Variants in ZC2HC1C observed in about 807,000 individuals in gnomAD.
ZC2HC1C encodes zinc finger C2HC domain-containing protein 1C.
In ZC2HC1C, 25 loss-of-function variants were observed where a neutral mutation model predicts 39.2. That is an observed-to-expected ratio of 0.64 (90% confidence interval 0.47 to 0.89). The LOEUF (loss-of-function observed/expected upper bound fraction) is 0.89. Ranked by LOEUF, ZC2HC1C falls within the 40% of genes least tolerant of loss-of-function variation. ZC2HC1C has a pLI of 0.00. For synonymous variants in ZC2HC1C, 209 were observed against 214.4 expected (o/e 0.97, Z 0.22); for missense variants, 519 against 548.6 (o/e 0.95, Z 0.54).
chr14:75,070,806 C>T lies in ZC2HC1C; in HGVS notation c.233C>T (p.Thr78Ile), dbSNP rs200028022. 4 of 1,614,100 alleles carry T rather than the reference C, an allele frequency of 2.5e-6. No homozygotes were observed. Among genetic ancestry groups the T allele is most frequent in the Non-Finnish European group, 3.4e-6 (4 of 1,180,050 alleles). Residue 78 changes from threonine to isoleucine, a missense_variant, in exon 2 of 3, where the codon ACA (threonine) becomes ATA (isoleucine). Transcript: ENST00000524913. ...ACTCACCCCAAATGGAACACCCAAA[C>T]AAAAGCCCGGAGCTACTCCTATCCC... is the stretch of plus-strand genomic sequence containing the variant. Reference protein sequence around the residue: ...VYTHPKWNTQTKARSYSYPHC... With the variant: ...VYTHPKWNTQIKARSYSYPHC...
At chr14:75,070,476 G>GTTTGCTTTAGCAAACATT in intron 1 of ZC2HC1C, 79 bp from the exon 2 acceptor site, 7 of 1,483,750 alleles carry the variant, frequency 4.7e-6, no homozygotes, top group Non-Finnish European at 5.4e-6. Context: ...CAGGGCAAAT[G>GTTTGCTTTAGCAAACATT]TAGAAATAGT....
Position 75,077,831 on chromosome 14 carries a change from A to G in ZC2HC1C, c.*267A>G. 1 of 447,288 alleles carries G rather than the reference A, an allele frequency of 2.2e-6. No homozygotes were observed. The highest frequency in any genetic ancestry group is 4.0e-6 in the Non-Finnish European group (1 of 248,398). 27.7% of individuals were successfully genotyped at this position (447,288 alleles called of 1,614,324 possible). On this transcript the variant is annotated 3_prime_UTR_variant, in exon 3 of 3. Transcript: ENST00000524913. Reference sequence around the variant, plus strand: ...ATGGAAACTTTTGGATAGTTCAGAAAGCTCTGCTTCTCTTCAGCAGTAAAT... The same window carrying G: ...ATGGAAACTTTTGGATAGTTCAGAAGGCTCTGCTTCTCTTCAGCAGTAAAT...
Position 75,079,814 on chromosome 14 carries a change from C to T in ZC2HC1C, c.*2250C>T, listed in dbSNP as rs1413399613. ...TCACTTGGCCTGCTTCACTTCTTTA[C>T]CTTATCTGCCTGGTACCACAGGCAC... On this transcript the variant is annotated 3_prime_UTR_variant, in exon 3 of 3. Coordinates refer to ENST00000524913, the MANE Select transcript of ZC2HC1C (RefSeq NM_024643.4). 6.6e-6 allele frequency: 1 copy of T among 152,174 alleles called. No homozygotes were observed. The highest frequency in any genetic ancestry group is 2.4e-5 in the African/African-American group (1 of 41,438). 9.4% of individuals were successfully genotyped at this position (152,174 alleles called of 1,614,324 possible).
intron 2 of ZC2HC1C, among the ~76,000 whole-genome samples, chr14:75,073,352 C>T (rs1482475630): frequency 1.3e-5 from 2 of 152,178 alleles, no homozygotes; most frequent in Admixed American, 6.5e-5. Context: ...CCCACTGTAG[C>T]GATTTATTTT....
chr14:75,070,185 G>C (rs1408093756), intron 1 of ZC2HC1C, among the ~76,000 whole-genome samples: 1 of 152,144 alleles, frequency 6.6e-6, no homozygotes, highest in African/African-American at 2.4e-5. Context: ...GGGAAGAAAC[G>C]GGGGCCAGCA....
In ZC2HC1C at chr14:75,071,035, G is replaced by A. The variant is rs756702328; in HGVS notation, c.462G>A (p.Glu154=). ...ACAGGAAGTCGTGCAGTACAGGTGAGGCTGGCACTGATGGGGACCATAATG... is the reference window on the plus strand; with the variant it reads ...ACAGGAAGTCGTGCAGTACAGGTGAAGCTGGCACTGATGGGGACCATAATG... ...MVHRKSCSTG[E]AGTDGDHNVY... Residue 154 remains glutamate (E), a synonymous_variant, in exon 2 of 3, where the codon GAG becomes GAA. Transcript: ENST00000524913. 1.2e-5 allele frequency: 19 copies of A among 1,614,232 alleles called. No homozygotes were observed. Among genetic ancestry groups the A allele is most frequent in the Non-Finnish European group, 1.4e-5 (17 of 1,180,050 alleles).
chr14:75,077,832 G>C lies in ZC2HC1C; in HGVS notation c.*268G>C, dbSNP rs999735793. On this transcript the variant is annotated 3_prime_UTR_variant, in exon 3 of 3. Coordinates refer to ENST00000524913, the MANE Select transcript of ZC2HC1C (RefSeq NM_024643.4). ...TGGAAACTTTTGGATAGTTCAGAAA[G>C]CTCTGCTTCTCTTCAGCAGTAAATG... 2.3e-6 allele frequency: 1 copy of C among 437,572 alleles called. No homozygotes were observed. Among genetic ancestry groups the C allele is most frequent in the African/African-American group, 2.0e-5 (1 of 49,868 alleles). The allele number at this position is 437,572 out of a possible 1,614,324, so 27.1% of individuals were successfully genotyped here.
chr14:75,071,243 G>A lies in ZC2HC1C; in HGVS notation c.670G>A (p.Glu224Lys), dbSNP rs756862474. 4 of 1,614,230 alleles carry A rather than the reference G, an allele frequency of 2.5e-6. No individual in the cohort carries two copies. The highest frequency in any genetic ancestry group is 3.4e-6 in the Non-Finnish European group (4 of 1,180,048). The change falls in exon 2 of 3, where the codon GAG (glutamate) becomes AAG (lysine). Residue 224 changes from glutamate to lysine, a missense_variant. Coordinates refer to ENST00000524913, the MANE Select transcript of ZC2HC1C (RefSeq NM_024643.4). ...RRLEAAGESL[E>K]EEIRRKQILL... is the part of the protein sequence containing the mutation. The stretch of plus-strand genomic sequence containing the variant: ...ACTAGAAGCTGCAGGGGAGAGCTTA[G>A]AGGAGGAAATCCGAAGAAAGCAGAT...
At chr14:75,073,018 C>T (rs1893496345) in intron 2 of ZC2HC1C, among the ~76,000 whole-genome samples, 1 of 152,186 alleles carries the variant, frequency 6.6e-6, no homozygotes, top group South Asian at 2.1e-4. Flanking sequence ...GTTTTCATTT[C>T]TTCCCAACCC....
At chr14:75,076,443 T>C (rs1893673359) in intron 2 of ZC2HC1C, among the ~76,000 whole-genome samples, 1 of 152,162 alleles carries the variant, frequency 6.6e-6, no homozygotes, top group East Asian at 1.9e-4. Flanking sequence ...TAATTTTGTG[T>C]ATTTTTAGTA....
At position 75,071,356 on chromosome 14, in the gene ZC2HC1C, A is replaced by T; in HGVS notation, c.783A>T (p.Gly261=). 1 of 1,614,018 alleles carries T rather than the reference A, an allele frequency of 6.2e-7. No homozygotes were observed. The highest frequency in any genetic ancestry group is 8.5e-7 in the Non-Finnish European group (1 of 1,179,998). ...QKEQAKENEN[G]ELQKIILPRS... ...AACAGGCCAAGGAAAATGAAAACGG[A>T]GAGCTACAGAAAATTATACTCCCCA... The change falls in exon 2 of 3, where the codon GGA becomes GGT. Residue 261 remains glycine, a synonymous_variant. Transcript: ENST00000524913.
Position 75,071,922 on chromosome 14 carries a change from C to A in ZC2HC1C, c.1338+11C>A, listed in dbSNP as rs771541780. 26 of 1,568,912 alleles carry A rather than the reference C, an allele frequency of 1.7e-5. No homozygotes were observed. Among genetic ancestry groups the A allele is most frequent in the Non-Finnish European group, 1.4e-5 (16 of 1,159,922 alleles). On this transcript the variant is annotated intron_variant, in intron 2 of 2. Transcript: ENST00000524913. Reference sequence around the variant, plus strand: ...CCAGCTTCAGCCAAGGTAACAAGAGCCTTATGGATGTGACTTGGTGTGGTG... The same window carrying A: ...CCAGCTTCAGCCAAGGTAACAAGAGACTTATGGATGTGACTTGGTGTGGTG...
chr14:75,077,682 A>AT lies in ZC2HC1C; in HGVS notation c.*120dup, dbSNP rs1430126110. ...CCTGCCTGCAGAAAACCCAGACTGC[A>AT]TTCAGTGTCCTCAGTGTAGCCACCA... On this transcript the variant is annotated 3_prime_UTR_variant, in exon 3 of 3. Coordinates refer to ENST00000524913, the MANE Select transcript of ZC2HC1C (RefSeq NM_024643.4). 1 of 1,282,690 alleles carries AT rather than the reference A, an allele frequency of 7.8e-7. No homozygotes were observed. The highest frequency in any genetic ancestry group is 1.5e-5 in the African/African-American group (1 of 68,402). 79.5% of individuals were successfully genotyped at this position (1,282,690 alleles called of 1,614,324 possible). A position where few individuals can be genotyped will look rare whatever the true frequency, so the allele number is the denominator to read the frequency against.
At position 75,077,874 on chromosome 14, in the gene ZC2HC1C, CAAAGCAGAAAG is replaced by C; in HGVS notation, c.*314_*324del. On this transcript the variant is annotated 3_prime_UTR_variant, in exon 3 of 3. Transcript: ENST00000524913. Reference sequence around the variant, plus strand: ...CAGTAAATGGGAGTAGAATTTGATGCAAAGCAGAAAGAAATCAAACAGCTCCCAGATCTGCC... The same window carrying C: ...CAGTAAATGGGAGTAGAATTTGATGCAAATCAAACAGCTCCCAGATCTGCC... 3.1e-6 allele frequency: 1 copy of C among 323,198 alleles called. No individual in the cohort carries two copies. The highest frequency in any genetic ancestry group is 5.8e-6 in the Non-Finnish European group (1 of 173,744). 20.0% of individuals were successfully genotyped at this position (323,198 alleles called of 1,614,324 possible).
At chr14:75,073,650 A>G in intron 2 of ZC2HC1C, 1 of 1,287,050 alleles carries the variant, frequency 7.8e-7, no homozygotes, top group Non-Finnish European at 1.0e-6. Context: ...TTTTCCTGGT[A>G]TCCTTTAATC....
intron 2 of ZC2HC1C, among the ~76,000 whole-genome samples, chr14:75,074,911 C>T (rs1315106211): frequency 6.6e-6 from 1 of 152,150 alleles, no homozygotes; most frequent in Non-Finnish European, 1.5e-5. Context: ...GTGAAGTTCT[C>T]TTTCATATTC....
intron 2 of ZC2HC1C, among the ~76,000 whole-genome samples, chr14:75,074,210 C>T (rs1403415272): frequency 2.0e-5 from 3 of 152,144 alleles, no homozygotes; most frequent in South Asian, 4.1e-4. Flanking sequence ...GCCTGGTCTT[C>T]GAATTCTTTT....
chr14:75,077,819 G>A lies in ZC2HC1C; in HGVS notation c.*255G>A. 2.0e-6 allele frequency: 1 copy of A among 501,394 alleles called. No homozygotes were observed. Among genetic ancestry groups the A allele is most frequent in the South Asian group, 2.5e-5 (1 of 40,104 alleles). The allele number at this position is 501,394 out of a possible 1,614,324, so 31.1% of individuals were successfully genotyped here. A position where few individuals can be genotyped will look rare whatever the true frequency, so the allele number is the denominator to read the frequency against. The stretch of plus-strand genomic sequence containing the variant: ...GAGCAGACAACAATGGAAACTTTTG[G>A]ATAGTTCAGAAAGCTCTGCTTCTCT... On this transcript the variant is annotated 3_prime_UTR_variant, in exon 3 of 3. Transcript: ENST00000524913.
At chr14:75,076,223 C>T (rs932801368) in intron 2 of ZC2HC1C, among the ~76,000 whole-genome samples, 2 of 151,988 alleles carry the variant, frequency 1.3e-5, no homozygotes, top group Non-Finnish European at 2.9e-5. Flanking sequence ...TCTTTTTTCC[C>T]ATTCTGAGAA....
Sources: gnomAD v4.1 joint callset for allele counts (sites outside exome capture counted in the v4.1 genomes callset) on GRCh38, gnomAD v4.1.1 for gene constraint, MANE v1.5 for transcripts, NCBI Gene and HGNC (gene_info 2026-07-23, HGNC 2026-07-21) for gene names.